The following ZBP1 variants were observed in gnomAD, a reference collection of about 807,000 sequenced individuals.
ZBP1 encodes the protein Z-DNA binding protein 1.
ZBP1 carries 42 observed loss-of-function variants against 41.1 expected under a neutral mutation model. The observed-to-expected ratio is 1.02, with a 90% CI of 0.80 to 1.32. The LOEUF (loss-of-function observed/expected upper bound fraction) is 1.32. Ranked by LOEUF, ZBP1 falls within the 40% of genes most tolerant of loss-of-function variation. The pLI is 0.00. For synonymous variants in ZBP1, 214 were observed against 205.2 expected, an observed-to-expected ratio of 1.04 and a Z score of -0.37; for missense variants, 562 against 549.7, an observed-to-expected ratio of 1.02 and a Z score of -0.22.
intron 1 of ZBP1, chr20:57,616,756 G>T: frequency 2.1e-6 from 1 of 471,142 alleles, no homozygotes; most frequent in East Asian, 4.1e-5. Flanking sequence ...CCAGAGGGCA[G>T]TGGGGTTCCT....
At chr20:57,609,941 G>A (rs2070605447) in intron 7 of ZBP1, among the ~76,000 whole-genome samples, 1 of 152,172 alleles carries the variant, frequency 6.6e-6, no homozygotes, top group South Asian at 2.1e-4. Flanking sequence ...AGGCTCCTGG[G>A]TGAAATGACT....
Position 57,604,727 on chromosome 20 carries a change from C to T in ZBP1, c.1136G>A (p.Arg379Gln), listed in dbSNP as rs748618471. The T allele has an allele frequency of 6.2e-6, 10 of 1,614,028 alleles. No individual in the cohort carries two copies. The East Asian group carries it at 8.9e-5, about 14-fold the overall frequency. Residue 379 changes from arginine (R) to glutamine (Q), a missense_variant, in exon 8 of 8, where the codon CGA (arginine) becomes CAA (glutamine). Physicochemically the swap from Arg to Gln is conservative, Grantham distance 43 (BLOSUM62 1). Coordinates refer to ENST00000371173, the MANE Select transcript of ZBP1 (RefSeq NM_030776.3). ...GGGAGTGATGGGCTGACCAATGTCT[C>T]GAGGAAAGTGACTTCTGGATTGTGT... is the stretch of plus-strand genomic sequence containing the variant. ...ADTQSRSHFPRDIGQPITPSH... is the reference protein window; with the variant it reads ...ADTQSRSHFPQDIGQPITPSH...
intron 2 of ZBP1, 76 bp downstream of exon 2, chr20:57,616,168 A>G: frequency 7.2e-7 from 1 of 1,392,794 alleles, no homozygotes; most frequent in South Asian, 1.2e-5. Flanking sequence ...ATTCGAACCC[A>G]GGCTCAAATC....
intron 7 of ZBP1, among the ~76,000 whole-genome samples, chr20:57,608,853 G>A (rs1015294747): frequency 1.4e-4 from 21 of 152,256 alleles, no homozygotes; most frequent in African/African-American, 4.8e-4. Context: ...GGCACTGGAG[G>A]GTGGATGCCG....
intron 6 of ZBP1, among the ~76,000 whole-genome samples, chr20:57,611,211 C>T (rs1391497693): frequency 2.0e-5 from 3 of 152,082 alleles, no homozygotes; most frequent in East Asian, 3.9e-4. Context: ...TGCAGTGGGT[C>T]GTAGGGGATG....
At chr20:57,612,634 C>T (rs147497858) in intron 5 of ZBP1, among the ~76,000 whole-genome samples, 54 of 152,296 alleles carry the variant, frequency 3.5e-4, no homozygotes, top group African/African-American at 1.3e-3. Flanking sequence ...CCACAGTGCC[C>T]GGCACAGGGT....
At position 57,610,212 on chromosome 20, in the gene ZBP1, G is replaced by A; in HGVS notation, c.1030C>T (p.Pro344Ser). The A allele has an allele frequency of 2.5e-6, 4 of 1,614,154 alleles. No individual in the cohort carries two copies. The highest frequency in any genetic ancestry group is 3.4e-6 in the Non-Finnish European group (4 of 1,180,026). The change falls in exon 7 of 8, where the codon CCA becomes TCA. Residue 344 changes from proline to serine, a missense_variant. Physicochemically the swap from Pro to Ser is moderately conservative, Grantham distance 74 (BLOSUM62 -1). Transcript: ENST00000371173. This position sits in a 1 kb window ranked among gnomAD's most constrained non-coding sequence, Gnocchi z 5.5. The part of the protein sequence containing the change: ...IGNSNKMSIS[P>S]GVAGPGGVAG... ...ACTCCTCCTGGGCCAGCCACCCCTG[G>A]GCTGATAGACATTTTGTTGCTGTTG... is the stretch of plus-strand genomic sequence containing the variant.
intron 7 of ZBP1, chr20:57,607,351 G>T (rs560348503): frequency 8.0e-6 from 10 of 1,254,924 alleles, no homozygotes; most frequent in Admixed American, 2.5e-5. Flanking sequence ...AGTGGAATAT[G>T]AAGATGGGAC....
At chr20:57,606,460 T>C (rs551826250) in intron 7 of ZBP1, among the ~76,000 whole-genome samples, 2 of 152,356 alleles carry the variant, frequency 1.3e-5, no homozygotes, top group South Asian at 4.1e-4. Context: ...ACCCGGAAGC[T>C]CTAGCTAAGA....
rs149771423 is a variant in ZBP1, at chr20:57,613,367, G to C, written c.503-37C>G. ...TATTCAACTGTATCCCTTTGCCACT[G>C]TCTATGGGTCAGGGGTTCCCAATAC... On this transcript the variant is annotated intron_variant, in intron 4 of 7. Coordinates refer to ENST00000371173, the MANE Select transcript of ZBP1 (RefSeq NM_030776.3). The surrounding 1 kb of genome is among the most constrained non-coding windows in gnomAD (Gnocchi z 4.5). The C allele has an allele frequency of 9.2e-4, 1,464 of 1,596,720 alleles. 9 individuals are homozygous for C. The African/African-American group carries it at 0.017, about 19-fold the overall frequency.
intron 5 of ZBP1, among the ~76,000 whole-genome samples, chr20:57,612,486 A>T (rs373049841): frequency 6.6e-6 from 1 of 152,224 alleles, no homozygotes; most frequent in East Asian, 1.9e-4. Flanking sequence ...ATTCTAGAAC[A>T]AGGTTCCTCA....
chr20:57,607,221 A>T (rs2070520458), intron 7 of ZBP1: 1 of 1,303,974 alleles, frequency 7.7e-7, no homozygotes, highest in Non-Finnish European at 1.0e-6. Context: ...AACTATCAAC[A>T]TTCACAGGAG....
rs374594603 is a variant in ZBP1, at chr20:57,610,297, C to G, written c.945G>C (p.Glu315Asp). The change falls in exon 7 of 8, where the codon GAG becomes GAC. Residue 315 changes from glutamate (E) to aspartate (D), a missense_variant. By Grantham distance (45) the Glu-to-Asp change is conservative. Coordinates refer to ENST00000371173, the MANE Select transcript of ZBP1 (RefSeq NM_030776.3). The surrounding 1 kb of genome is among the most constrained non-coding windows in gnomAD (Gnocchi z 5.5). Reference protein sequence around the residue: ...ARIPSPGTHPEGEAAQRIHMK... With the variant: ...ARIPSPGTHPDGEAAQRIHMK... Reference sequence around the variant, plus strand: ...TGTGGATTCTCTGGGCGGCTTCCCCCTCAGGGTGAGTTCCTGGACTGGGAA... The same window carrying G: ...TGTGGATTCTCTGGGCGGCTTCCCCGTCAGGGTGAGTTCCTGGACTGGGAA... 2.8e-5 allele frequency: 45 copies of G among 1,614,070 alleles called. No homozygotes were observed. The highest frequency in any genetic ancestry group is 3.4e-5 in the Non-Finnish European group (40 of 1,180,024).
In ZBP1 at chr20:57,616,689, G is replaced by A. The variant is rs572186853; in HGVS notation, c.35-221C>T. The A allele has an allele frequency of 3.8e-4, 212 of 564,522 alleles. 1 individual carries two copies. The highest frequency in any genetic ancestry group is 5.2e-4 in the Non-Finnish European group (164 of 316,660). 35.0% of individuals were successfully genotyped at this position (564,522 alleles called of 1,614,324 possible). On this transcript the variant is annotated intron_variant, in intron 1 of 7. Coordinates refer to ENST00000371173, the MANE Select transcript of ZBP1 (RefSeq NM_030776.3). ...GCTGATCAGAAACGGCCTTGGCTGC[G>A]CAGCCTGGTGGCCAGGGGAGGTGCC...
chr20:57,615,905 G>C (rs908587156), intron 2 of ZBP1: 2 of 527,450 alleles, frequency 3.8e-6, no homozygotes, highest in Non-Finnish European at 6.7e-6. Flanking sequence ...GCTAGAAAAG[G>C]GGGGCTGGTG....
chr20:57,615,475 T>G, intron 3 of ZBP1, 37 bp downstream of exon 3: 1 of 1,604,858 alleles, frequency 6.2e-7, no homozygotes, highest in Non-Finnish European at 8.5e-7. Flanking sequence ...AGTGGGATCC[T>G]GTGTCCCGGG....
chr20:57,615,264 G>A (rs1328039581), intron 3 of ZBP1: 4 of 693,512 alleles, frequency 5.8e-6, no homozygotes, highest in Non-Finnish European at 9.7e-6. Context: ...GCTCTGCGCT[G>A]GGCCTGGCAT....
Position 57,611,742 on chromosome 20 carries a change from G to C in ZBP1, c.859C>G (p.Pro287Ala). 2 of 1,610,654 alleles carry C rather than the reference G, an allele frequency of 1.2e-6. No individual in the cohort carries two copies. Among genetic ancestry groups the C allele is most frequent in the Non-Finnish European group, 8.5e-7 (1 of 1,179,050 alleles). The change falls in exon 6 of 8, where the codon CCT becomes GCT. Residue 287 changes from proline to alanine, a missense_variant. Coordinates refer to ENST00000371173, the MANE Select transcript of ZBP1 (RefSeq NM_030776.3). ...VPSEGPAHIP[P>A]GSPPVSATAA... ...TCCCAGTTACCTGGGGGGCTGCCAGGGGGGATGTGGGCAGGGCCCTCGGAC... is the reference window on the plus strand; with the variant it reads ...TCCCAGTTACCTGGGGGGCTGCCAGCGGGGATGTGGGCAGGGCCCTCGGAC...
At chr20:57,606,764 G>GT (rs548908082) in intron 7 of ZBP1, among the ~76,000 whole-genome samples, 13 of 152,220 alleles carry the variant, frequency 8.5e-5, no homozygotes, top group Non-Finnish European at 1.9e-4. Context: ...GAGAGCACCT[G>GT]TATATAGCTT....
Sources: allele counts gnomAD v4.1 joint callset (sites outside exome capture counted in the v4.1 genomes callset), GRCh38; gene constraint gnomAD v4.1.1; non-coding constraint Gnocchi (gnomAD v3.1); transcripts MANE v1.5; gene names NCBI Gene and HGNC (gene_info 2026-07-23, HGNC 2026-07-21).